PARD3B: variants seen among roughly 807,000 people sequenced by gnomAD.
PARD3B encodes the protein par-3 family cell polarity regulator beta.
PARD3B carries 103 observed loss-of-function variants against 130.2 expected under a neutral mutation model. The ratio of observed to expected loss-of-function variants is 0.79; its 90% CI spans 0.67 to 0.93. The LOEUF is 0.93. PARD3B is among the 40% of genes least tolerant of loss of function. The pLI, the probability that PARD3B is intolerant of heterozygous loss-of-function variation, is 0.00. For synonymous variants in PARD3B, 583 were observed against 553.2 expected (o/e 1.05, Z -0.76); for missense variants, 1,609 against 1,499.2 (o/e 1.07, Z -1.21).
chr2:205,038,266 GA>G (rs1698153794), intron 3 of PARD3B, among the ~76,000 whole-genome samples: 1 of 152,102 alleles, frequency 6.6e-6, no homozygotes, highest in South Asian at 2.1e-4. Context: ...TGTGATTCAG[GA>G]GCTTTTATTT....
chr2:204,759,901 C>T (rs75149332), intron 2 of PARD3B, among the ~76,000 whole-genome samples: 6,224 of 152,052 alleles, frequency 0.041, 181 homozygotes, highest in Non-Finnish European at 0.058. Flanking sequence ...TTTGTTTACC[C>T]TCTTATAGAC....
chr2:204,788,538 A>G (rs944141176), intron 2 of PARD3B, among the ~76,000 whole-genome samples: 5 of 152,186 alleles, frequency 3.3e-5, no homozygotes, highest in Non-Finnish European at 5.9e-5. Context: ...TTTAGTTCAA[A>G]TAACTTTAAC....
chr2:205,367,432 CCT>C (rs923868907), intron 18 of PARD3B, among the ~76,000 whole-genome samples: 4 of 152,078 alleles, frequency 2.6e-5, no homozygotes, highest in African/African-American at 9.7e-5. Context: ...GAAAGAATTT[CCT>C]GACAGTAAGA....
chr2:205,587,587 T>C (rs1354182361), intron 22 of PARD3B, among the ~76,000 whole-genome samples: 3 of 152,210 alleles, frequency 2.0e-5, no homozygotes, highest in Non-Finnish European at 2.9e-5. Flanking sequence ...CCTTACCTTC[T>C]CTCTGTGGCT....
intron 19 of PARD3B, among the ~76,000 whole-genome samples, chr2:205,437,127 C>T (rs2047544993): frequency 6.6e-6 from 1 of 152,224 alleles, no homozygotes; most frequent in Non-Finnish European, 1.5e-5. Context: ...AGCCATATAT[C>T]GACTGGTGGT....
intron 15 of PARD3B, among the ~76,000 whole-genome samples, chr2:205,195,376 G>A (rs758656639): frequency 8.5e-5 from 13 of 152,130 alleles, no homozygotes; most frequent in Non-Finnish European, 1.6e-4. Context: ...CAAGTTTAGA[G>A]TAATCATCAA....
chr2:204,554,631 T>C (rs1198518598), intron 1 of PARD3B, among the ~76,000 whole-genome samples: 1 of 152,012 alleles, frequency 6.6e-6, no homozygotes, highest in Non-Finnish European at 1.5e-5. Flanking sequence ...AAATAGACTT[T>C]AGTGTCTCCA....
At chr2:205,295,581 C>T (rs1034150280) in intron 16 of PARD3B, among the ~76,000 whole-genome samples, 37 of 152,268 alleles carry the variant, frequency 2.4e-4, no homozygotes, top group African/African-American at 7.0e-4. Flanking sequence ...AAAAACTTGC[C>T]ATGTATCTGG....
intron 16 of PARD3B, among the ~76,000 whole-genome samples, chr2:205,285,067 A>G (rs2041343006): frequency 6.9e-6 from 1 of 143,898 alleles, no homozygotes; most frequent in South Asian, 2.2e-4. Context: ...AACCCTTTTT[A>G]GAAAAGCCTT....
intron 19 of PARD3B, among the ~76,000 whole-genome samples, chr2:205,403,340 T>C (rs1253981705): frequency 6.6e-6 from 1 of 152,212 alleles, no homozygotes; most frequent in Non-Finnish European, 1.5e-5. Context: ...GAACCAATTG[T>C]TAAACTTTCA....
intron 18 of PARD3B, among the ~76,000 whole-genome samples, chr2:205,328,006 T>C (rs2042992593): frequency 6.6e-6 from 1 of 152,142 alleles, no homozygotes; most frequent in African/African-American, 2.4e-5. Context: ...GCATTACGTA[T>C]AGGGATCAAG....
chr2:204,564,028 C>T (rs1020918630), intron 1 of PARD3B, among the ~76,000 whole-genome samples: 3 of 152,200 alleles, frequency 2.0e-5, no homozygotes, highest in Non-Finnish European at 2.9e-5. Flanking sequence ...CCCACCTCAG[C>T]CTCCCAAAGT....
intron 1 of PARD3B, among the ~76,000 whole-genome samples, chr2:204,596,136 A>G (rs1352362982): frequency 2.0e-5 from 3 of 152,232 alleles, no homozygotes; most frequent in Admixed American, 6.5e-5. Context: ...AAATCGTGAG[A>G]TAAAGGAATA....
intron 22 of PARD3B, among the ~76,000 whole-genome samples, chr2:205,598,458 G>T (rs1472253354): frequency 6.6e-6 from 1 of 151,834 alleles, no homozygotes; most frequent in Admixed American, 6.6e-5. Context: ...GGAGCACTCA[G>T]ATTCATAAAA....
intron 2 of PARD3B, among the ~76,000 whole-genome samples, chr2:204,758,601 C>G (rs780068142): frequency 1.3e-5 from 2 of 152,116 alleles, no homozygotes; most frequent in Admixed American, 1.3e-4. Flanking sequence ...AATTAAATAA[C>G]GTTTCTCCAG....
intron 3 of PARD3B, among the ~76,000 whole-genome samples, chr2:204,981,501 TTGG>T (rs1275090921): frequency 1.3e-5 from 2 of 152,174 alleles, no homozygotes; most frequent in Non-Finnish European, 2.9e-5. Context: ...CTGCCTTAAG[TTGG>T]TGGGCCAAGC....
chr2:205,523,322 G>A (rs955478368), intron 21 of PARD3B, among the ~76,000 whole-genome samples: 4 of 150,796 alleles, frequency 2.7e-5, no homozygotes, highest in African/African-American at 9.7e-5. Context: ...TCGGCTCACT[G>A]CAACCTCCGC....
rs749350240 is a variant in PARD3B, at chr2:205,309,011, G to A, written c.2630+7310G>A. 2.0e-5 allele frequency among the ~76,000 whole-genome samples: 3 copies of A among 152,210 alleles called. No homozygotes were observed. Among genetic ancestry groups the A allele is most frequent in the Admixed American group, 6.5e-5 (1 of 15,284 alleles). On this transcript the variant is annotated intron_variant, in intron 18 of 22. Coordinates refer to ENST00000406610, the MANE Select transcript of PARD3B (RefSeq NM_001302769.2). The surrounding 1 kb of genome is among the most constrained non-coding windows in gnomAD (Gnocchi z 4.7). ...GCTACACTGAATTTTCAGCAGATAC[G>A]TTATCAGAATTTAGCACACTATGGT...
At position 205,341,540 on chromosome 2, in the gene PARD3B, A is replaced by C. The variant is rs543515889; in HGVS notation, c.2630+39839A>C. On this transcript the variant is annotated intron_variant, in intron 18 of 22. Transcript: ENST00000406610. The surrounding 1 kb of genome is among the most constrained non-coding windows in gnomAD (Gnocchi z 4.3). ...TATGTATATGTAGAAGCTAAAAAAA[A>C]TGTTTAAGCTCATGAAAGTAGAGAC... Among the ~76,000 whole-genome samples, 180 of 152,214 alleles carry C rather than the reference A, an allele frequency of 1.2e-3. No homozygotes were observed. The highest frequency in any genetic ancestry group is 1.5e-3 in the Non-Finnish European group (103 of 67,966).
Sources: gnomAD v4.1 joint callset for allele counts (sites outside exome capture counted in the v4.1 genomes callset) on GRCh38, gnomAD v4.1.1 for gene constraint, Gnocchi (gnomAD v3.1) non-coding constraint, MANE v1.5 for transcripts, NCBI Gene and HGNC (gene_info 2026-07-23, HGNC 2026-07-21) for gene names.